ITGA6: variants seen among roughly 807,000 people sequenced by gnomAD.
ITGA6 encodes the protein integrin subunit alpha 6.
In ITGA6, 63 loss-of-function variants were observed where a neutral mutation model predicts 133.6. The ratio of observed to expected loss-of-function variants is 0.47; its 90% CI spans 0.38 to 0.58. The LOEUF is 0.58. Ranked by LOEUF, ITGA6 falls within the 20% of genes least tolerant of loss-of-function variation. The pLI, the probability that ITGA6 is intolerant of heterozygous loss-of-function variation, is 0.00. For synonymous variants in ITGA6, 434 were observed against 482.0 expected (o/e 0.90, Z 1.30); for missense variants, 1,068 against 1,309.4 (o/e 0.82, Z 2.85).
intron 1 of ITGA6, among the ~76,000 whole-genome samples, chr2:172,453,356 G>A (rs1173304799): frequency 2.6e-5 from 4 of 151,790 alleles, no homozygotes; most frequent in Admixed American, 6.6e-5. Flanking sequence ...GTAGAACCCC[G>A]TCTCTACTAA....
At chr2:172,429,901 C>G (rs186780747) in intron 1 of ITGA6, among the ~76,000 whole-genome samples, 1 of 152,134 alleles carries the variant, frequency 6.6e-6, no homozygotes, top group African/African-American at 2.4e-5. Flanking sequence ...CATTGGTCTT[C>G]CCAGGAGAAC....
intron 6 of ITGA6, 88 bp from the exon 7 acceptor site, chr2:172,474,841 A>G (rs1003441405): frequency 2.8e-5 from 22 of 779,012 alleles, no homozygotes; most frequent in Admixed American, 5.3e-5. Context: ...CCTTTCTATT[A>G]TATGTCTTTG....
intron 1 of ITGA6, among the ~76,000 whole-genome samples, chr2:172,435,491 G>T (rs1438474034): frequency 1.3e-5 from 2 of 152,058 alleles, no homozygotes; most frequent in South Asian, 4.1e-4. Context: ...ATTCTACAAG[G>T]CTCCAGAGAG....
chr2:172,490,079 T>C (rs554698402), intron 20 of ITGA6, among the ~76,000 whole-genome samples: 1 of 152,336 alleles, frequency 6.6e-6, no homozygotes, highest in South Asian at 2.1e-4. Flanking sequence ...TTTATGCTTA[T>C]TTTTAAAATA....
intron 20 of ITGA6, chr2:172,489,875 C>A: frequency 1.9e-6 from 1 of 516,252 alleles, no homozygotes; most frequent in Non-Finnish European, 3.5e-6. Flanking sequence ...CAGAGTCATT[C>A]AGTGCTTGCT....
chr2:172,468,267 G>A (rs1350985651), intron 3 of ITGA6, among the ~76,000 whole-genome samples: 1 of 152,076 alleles, frequency 6.6e-6, no homozygotes, highest in Non-Finnish European at 1.5e-5. Context: ...CAAATAGAAG[G>A]GATAGCAAAG....
intron 1 of ITGA6, among the ~76,000 whole-genome samples, chr2:172,452,173 T>G (rs1330326113): frequency 6.6e-6 from 1 of 152,142 alleles, no homozygotes; most frequent in African/African-American, 2.4e-5. Flanking sequence ...TCTTTATAGG[T>G]GGTTCATTGC....
intron 1 of ITGA6, among the ~76,000 whole-genome samples, chr2:172,440,311 A>G (rs1263120162): frequency 6.6e-6 from 1 of 152,220 alleles, no homozygotes; most frequent in Admixed American, 6.5e-5. Context: ...CCCCAAATAC[A>G]CTAAAGGCTT....
chr2:172,453,253 G>A (rs950515736), intron 1 of ITGA6, among the ~76,000 whole-genome samples: 3 of 151,878 alleles, frequency 2.0e-5, no homozygotes, highest in Non-Finnish European at 2.9e-5. Flanking sequence ...AGGGCTGGGC[G>A]CAGTGGCTCA....
At chr2:172,427,455 A>T (rs912546890), upstream of ITGA6, 115 of 1,036,840 alleles carry the variant, frequency 1.1e-4, 1 homozygote, top group Non-Finnish European at 7.1e-5. Flanking sequence ...GCAGCTGGAG[A>T]CGCCAGAGCC....
chr2:172,442,370 C>T (rs1230873563), intron 1 of ITGA6, among the ~76,000 whole-genome samples: 1 of 152,190 alleles, frequency 6.6e-6, no homozygotes, highest in Admixed American at 6.5e-5. Context: ...CTTTACAGTG[C>T]TTTCAGTCTG....
intron 9 of ITGA6, among the ~76,000 whole-genome samples, chr2:172,478,636 A>G (rs1370401884): frequency 6.6e-6 from 1 of 152,226 alleles, no homozygotes; most frequent in Non-Finnish European, 1.5e-5. Context: ...GGTGAACCAG[A>G]GTAGGGCGTG....
intron 1 of ITGA6, among the ~76,000 whole-genome samples, chr2:172,442,181 C>T (rs1005591032): frequency 6.6e-6 from 1 of 152,120 alleles, no homozygotes; most frequent in Non-Finnish European, 1.5e-5. Context: ...ACCGCCACAC[C>T]CCTCATTCAT....
intron 3 of ITGA6, 122 bp from the exon 4 acceptor site, chr2:172,469,003 G>C: frequency 9.4e-7 from 1 of 1,062,528 alleles, no homozygotes; most frequent in Non-Finnish European, 1.4e-6. Flanking sequence ...GTCCCAAGAT[G>C]AGGACATGCT....
At chr2:172,468,014 A>G (rs1163870709) in intron 3 of ITGA6, among the ~76,000 whole-genome samples, 2 of 152,214 alleles carry the variant, frequency 1.3e-5, no homozygotes, top group African/African-American at 4.8e-5. Context: ...GATTCCTGAT[A>G]TACTTAGAAG....
upstream of ITGA6, chr2:172,427,565 G>A: frequency 8.2e-7 from 1 of 1,221,228 alleles, no homozygotes; most frequent in Non-Finnish European, 1.0e-6. Flanking sequence ...TTGATAAAAC[G>A]CCTGCGAGTC....
At chr2:172,500,223 C>T (rs1460029606) in intron 24 of ITGA6, among the ~76,000 whole-genome samples, 1 of 151,412 alleles carries the variant, frequency 6.6e-6, no homozygotes, top group Non-Finnish European at 1.5e-5. Flanking sequence ...GGATTCTGTA[C>T]AGGATTTTGT....
At chr2:172,463,380 C>T (rs1685513796) in intron 1 of ITGA6, among the ~76,000 whole-genome samples, 1 of 152,178 alleles carries the variant, frequency 6.6e-6, no homozygotes, top group Admixed American at 6.5e-5. Context: ...ATCTCTTACC[C>T]AGCCTTCACT....
chr2:172,427,983 A>G lies in ITGA6; in HGVS notation c.182+13A>G, dbSNP rs1334007115. On this transcript the variant is annotated intron_variant, in intron 1 of 25. Coordinates refer to ENST00000684293, the MANE Select transcript of ITGA6 (RefSeq NM_000210.4). The stretch of plus-strand genomic sequence containing the variant: ...AGGACAAGCGGCTGTGAGTTCCCAG[A>G]CCCTTCCCACCCCCACTGGGGCGCC... The G allele has an allele frequency of 6.3e-7, 1 of 1,595,146 alleles. No individual in the cohort carries two copies. The highest frequency in any genetic ancestry group is 8.5e-7 in the Non-Finnish European group (1 of 1,171,944).
Sources: gnomAD v4.1 joint callset for allele counts (sites outside exome capture counted in the v4.1 genomes callset) on GRCh38, gnomAD v4.1.1 for gene constraint, MANE v1.5 for transcripts, NCBI Gene and HGNC (gene_info 2026-07-23, HGNC 2026-07-21) for gene names.